Variants in GABRG1 observed in about 807,000 individuals in gnomAD.
GABRG1 encodes gamma-aminobutyric acid type A receptor subunit gamma1.
Under a neutral mutation model 49.8 loss-of-function variants are expected in GABRG1, and 49 were observed. That is an observed-to-expected ratio of 0.98 (90% CI 0.78 to 1.25). The LOEUF (loss-of-function observed/expected upper bound fraction) is 1.25. Ranked by LOEUF, GABRG1 falls within the 50% of genes most tolerant of loss-of-function variation. The pLI is 0.00. For synonymous variants in GABRG1, 232 were observed against 185.1 expected (o/e 1.25, Z -2.06); for missense variants, 552 against 552.3 (o/e 1.00, Z 0.01).
chr4:46,089,758 T>A (rs1719913011), intron 2 of GABRG1, among the ~76,000 whole-genome samples: 1 of 151,302 alleles, frequency 6.6e-6, no homozygotes, highest in South Asian at 2.1e-4. Flanking sequence ...AGCTCAGGAG[T>A]TTGAGATCAG....
At chr4:46,048,168 G>T (rs556764061) in intron 8 of GABRG1, among the ~76,000 whole-genome samples, 27 of 151,930 alleles carry the variant, frequency 1.8e-4, no homozygotes, top group Non-Finnish European at 3.4e-4. Context: ...TTTATCTGTT[G>T]CATAAAATGT....
intron 5 of GABRG1, among the ~76,000 whole-genome samples, chr4:46,060,257 ATGTGTGTG>A (rs34820575): frequency 4.0e-5 from 6 of 149,388 alleles, no homozygotes; most frequent in Non-Finnish European, 7.5e-5. Context: ...CGGTGGTTGT[ATGTGTGTG>A]TGTGTGTGTG....
At chr4:46,051,325 C>G (rs1232524273) in intron 8 of GABRG1, 99 bp downstream of exon 8, 12 of 881,530 alleles carry the variant, frequency 1.4e-5, no homozygotes, top group Non-Finnish European at 2.0e-5. Flanking sequence ...TTATGGGTCT[C>G]AAGCGTCCCT....
At chr4:46,088,377 T>C (rs758495339) in intron 2 of GABRG1, among the ~76,000 whole-genome samples, 3 of 152,026 alleles carry the variant, frequency 2.0e-5, no homozygotes, top group Non-Finnish European at 4.4e-5. Flanking sequence ...TTTTTACACA[T>C]AAACACAAAA....
At chr4:46,062,909 C>A (rs1316235278) in intron 5 of GABRG1, among the ~76,000 whole-genome samples, 18 of 149,282 alleles carry the variant, frequency 1.2e-4, no homozygotes, top group African/African-American at 2.2e-4. Context: ...GAGTGAACTC[C>A]CATTCACAAT....
intron 1 of GABRG1, among the ~76,000 whole-genome samples, chr4:46,102,195 T>C (rs1189973093): frequency 3.3e-5 from 5 of 151,700 alleles, no homozygotes; most frequent in Admixed American, 2.6e-4. Flanking sequence ...GTGGCATCCC[T>C]GAAAATTTGC....
chr4:46,056,146 TAAATTAAAA>T (rs1718425678), intron 7 of GABRG1, among the ~76,000 whole-genome samples: 1 of 5,680 alleles, frequency 1.8e-4, no homozygotes. Context: ...AATAAATAAA[TAAATTAAAA>T]AAAAAAAAAA....
intron 3 of GABRG1, among the ~76,000 whole-genome samples, chr4:46,078,932 A>C (rs1448317301): frequency 6.6e-6 from 1 of 151,946 alleles, no homozygotes; most frequent in Admixed American, 6.6e-5. Flanking sequence ...TAGCCTATCT[A>C]CATTAAGGTT....
chr4:46,090,884 A>G (rs1560366987), intron 2 of GABRG1, among the ~76,000 whole-genome samples: 1 of 151,688 alleles, frequency 6.6e-6, no homozygotes, highest in East Asian at 1.9e-4. Flanking sequence ...GGCTGGAGAG[A>G]CAAAACTTCG....
At chr4:46,080,757 A>C (rs1719534335) in intron 3 of GABRG1, among the ~76,000 whole-genome samples, 1 of 151,844 alleles carries the variant, frequency 6.6e-6, no homozygotes, top group Admixed American at 6.6e-5. Flanking sequence ...AATTGAAAAC[A>C]TAAACCCCAA....
intron 1 of GABRG1, among the ~76,000 whole-genome samples, chr4:46,100,629 G>A (rs931439167): frequency 1.3e-4 from 19 of 149,312 alleles, no homozygotes; most frequent in Admixed American, 3.4e-4. Context: ...GAAGTATCTG[G>A]TGGGTATGGC....
intron 1 of GABRG1, among the ~76,000 whole-genome samples, chr4:46,101,348 G>A (rs939016043): frequency 1.3e-5 from 2 of 151,550 alleles, no homozygotes; most frequent in South Asian, 2.1e-4. Flanking sequence ...AGGGTGGTTC[G>A]GTTTTGAATT....
intron 3 of GABRG1, 130 bp from the exon 4 acceptor site, chr4:46,065,714 A>C: frequency 3.4e-6 from 2 of 595,314 alleles, no homozygotes; most frequent in Non-Finnish European, 5.9e-6. Context: ...GGAGGAAAAA[A>C]ATGCCATTAT....
chr4:46,093,015 G>C (rs1485254901), intron 2 of GABRG1, among the ~76,000 whole-genome samples: 1 of 146,718 alleles, frequency 6.8e-6, no homozygotes, highest in East Asian at 2.0e-4. Context: ...GTTGCATTGA[G>C]CCAAGATTGC....
intron 1 of GABRG1, among the ~76,000 whole-genome samples, chr4:46,111,392 AATATTATTAAAAAGGCC>A (rs2109441078): frequency 6.6e-6 from 1 of 151,362 alleles, no homozygotes; most frequent in South Asian, 2.1e-4. Flanking sequence ...TGGAATAAAC[AATATTATTAAAAAGGCC>A]ATATCGGACA....
At chr4:46,105,041 G>A (rs1046522123) in intron 1 of GABRG1, among the ~76,000 whole-genome samples, 3 of 151,292 alleles carry the variant, frequency 2.0e-5, no homozygotes, top group African/African-American at 4.8e-5. Context: ...AAGTGGGCAC[G>A]CTATCCTTCC....
At chr4:46,080,792 A>AT (rs1331750481) in intron 3 of GABRG1, among the ~76,000 whole-genome samples, 3 of 151,854 alleles carry the variant, frequency 2.0e-5, no homozygotes, top group Non-Finnish European at 4.4e-5. Flanking sequence ...ATTCATGAAA[A>AT]TGCCAACATT....
chr4:46,123,765 G>C, intron 1 of GABRG1, 45 bp downstream of exon 1: 4 of 1,359,218 alleles, frequency 2.9e-6, no homozygotes, highest in Non-Finnish European at 4.2e-6. Context: ...TAAGGGGAAA[G>C]GGGTAGATAG....
At chr4:46,116,744 T>G (rs1720899892) in intron 1 of GABRG1, among the ~76,000 whole-genome samples, 2 of 150,762 alleles carry the variant, frequency 1.3e-5, no homozygotes, top group South Asian at 4.1e-4. Context: ...AATCTGATGA[T>G]TTTGGAAATG....
Sources: gnomAD v4.1 joint callset for allele counts (sites outside exome capture counted in the v4.1 genomes callset) on GRCh38, gnomAD v4.1.1 for gene constraint, MANE v1.5 for transcripts, NCBI Gene and HGNC (gene_info 2026-07-23, HGNC 2026-07-21) for gene names.